The following FMN1 variants were observed in gnomAD, a reference collection of about 807,000 sequenced individuals.
FMN1 encodes the protein formin 1.
A neutral mutation model predicts 132.4 loss-of-function variants in FMN1; 110 were observed. The ratio of observed to expected loss-of-function variants is 0.83; its 90% CI spans 0.71 to 0.97. The LOEUF (loss-of-function observed/expected upper bound fraction) is 0.97, where lower values mean the gene tolerates loss of function less well. Among genes scored for constraint, FMN1 ranks in the 50% least tolerant of loss-of-function variants. The probability of loss-of-function intolerance (pLI) is 0.00; values close to 1 mark genes in which losing one functional copy is unlikely to be tolerated. For synonymous variants in FMN1, 722 were observed against 651.7 expected (o/e 1.11, Z -1.64); for missense variants, 1,792 against 1,705.3 (o/e 1.05, Z -0.90).
chr15:33,075,163 G>C (rs890867186), intron 5 of FMN1, among the ~76,000 whole-genome samples: 11 of 151,426 alleles, frequency 7.3e-5, no homozygotes, highest in Non-Finnish European at 1.5e-4. Context: ...AAACTGGTAA[G>C]AACAGTACCT....
intron 4 of FMN1, among the ~76,000 whole-genome samples, chr15:33,123,889 T>C (rs1962798981): frequency 6.6e-6 from 1 of 152,216 alleles, no homozygotes; most frequent in Non-Finnish European, 1.5e-5. Flanking sequence ...GCTCAAATGA[T>C]ATAAGGAATC....
chr15:33,164,011 A>G (rs1404547811), intron 3 of FMN1, among the ~76,000 whole-genome samples: 2 of 152,312 alleles, frequency 1.3e-5, no homozygotes, highest in Admixed American at 1.3e-4. Flanking sequence ...TGATACAGTG[A>G]AAAATGGTAT....
intron 7 of FMN1, among the ~76,000 whole-genome samples, chr15:32,971,493 G>A (rs569915679): frequency 8.0e-4 from 121 of 151,986 alleles, no homozygotes; most frequent in Non-Finnish European, 1.5e-3. Flanking sequence ...TTTCAACATC[G>A]TATCATTTCC....
At chr15:33,151,080 C>A in intron 4 of FMN1, 2 of 1,317,524 alleles carry the variant, frequency 1.5e-6, no homozygotes, top group Non-Finnish European at 1.9e-6. Context: ...GGACTCACAG[C>A]GACAGGAAAG....
At position 32,926,280 on chromosome 15, in the gene FMN1, A is replaced by AT; in HGVS notation, c.3139-20_3139-19insA. On this transcript the variant is annotated intron_variant, in intron 9 of 20. Coordinates refer to ENST00000616417, the MANE Select transcript of FMN1 (RefSeq NM_001277313.2). Reference sequence around the variant, plus strand: ...TGATGATCTAAAATTAGAAAAAAAAAAAAAAGAATACAAGCTCAAATGACC... The same window carrying AT: ...TGATGATCTAAAATTAGAAAAAAAAATAAAAAGAATACAAGCTCAAATGACC... The AT allele has an allele frequency of 7.2e-7, 1 of 1,392,566 alleles. No individual in the cohort carries two copies. Among genetic ancestry groups the AT allele is most frequent in the Non-Finnish European group, 9.8e-7 (1 of 1,018,254 alleles). The allele number at this position is 1,392,566 out of a possible 1,614,324, so 86.3% of individuals were successfully genotyped here.
At chr15:33,026,727 A>C (rs1312300719) in intron 6 of FMN1, among the ~76,000 whole-genome samples, 1 of 152,122 alleles carries the variant, frequency 6.6e-6, no homozygotes. Flanking sequence ...AGAGAGGTGA[A>C]GGTCAGTCTC....
chr15:32,899,417 G>A (rs1385645494), intron 14 of FMN1, among the ~76,000 whole-genome samples: 1 of 152,168 alleles, frequency 6.6e-6, no homozygotes, highest in Non-Finnish European at 1.5e-5. Flanking sequence ...ATTCTAATTT[G>A]CCTGTGTGTT....
chr15:33,171,455 A>C (rs1010487075), intron 3 of FMN1, among the ~76,000 whole-genome samples: 6 of 152,248 alleles, frequency 3.9e-5, no homozygotes, highest in Non-Finnish European at 5.9e-5. Flanking sequence ...TGTATGTAAC[A>C]AAATGTCACC....
chr15:32,833,157 A>G (rs1364699327), intron 17 of FMN1, among the ~76,000 whole-genome samples: 2 of 152,136 alleles, frequency 1.3e-5, no homozygotes, highest in Non-Finnish European at 1.5e-5. Flanking sequence ...TCTAATGGTC[A>G]TATTTTAGGA....
chr15:32,870,163 A>C (rs1436158034), intron 16 of FMN1, among the ~76,000 whole-genome samples: 1 of 152,146 alleles, frequency 6.6e-6, no homozygotes, highest in African/African-American at 2.4e-5. Context: ...CTTTCATGGT[A>C]GTAGGACTCC....
chr15:32,820,789 C>A (rs2141101000), intron 17 of FMN1, among the ~76,000 whole-genome samples: 1 of 152,254 alleles, frequency 6.6e-6, no homozygotes, highest in South Asian at 2.1e-4. Flanking sequence ...GATTTTGGTA[C>A]CAACCCTTGG....
chr15:33,012,619 A>C (rs2034793514), intron 6 of FMN1: 1 of 956,774 alleles, frequency 1.0e-6, no homozygotes, highest in African/African-American at 1.6e-5. Flanking sequence ...GAAATACCAC[A>C]CTGCAAATGA....
At chr15:32,779,289 C>G (rs2056587296) in intron 19 of FMN1, among the ~76,000 whole-genome samples, 1 of 152,172 alleles carries the variant, frequency 6.6e-6, no homozygotes, top group Non-Finnish European at 1.5e-5. Flanking sequence ...GAATTGTACA[C>G]TTTAAAAGGG....
intron 4 of FMN1, among the ~76,000 whole-genome samples, chr15:33,099,266 G>T (rs1160738661): frequency 6.6e-6 from 1 of 152,160 alleles, no homozygotes; most frequent in Non-Finnish European, 1.5e-5. Context: ...ACTTCAACCT[G>T]GGTGGCAGAC....
intron 5 of FMN1, among the ~76,000 whole-genome samples, chr15:33,081,923 CAA>C (rs567662287): frequency 5.9e-5 from 9 of 152,004 alleles, no homozygotes; most frequent in Non-Finnish European, 1.2e-4. Context: ...CTTCCCCAGA[CAA>C]TTAAGCTAAT....
chr15:33,153,763 C>A lies in FMN1; in HGVS notation c.1152G>T (p.Arg384Ser). The A allele has an allele frequency of 1.3e-6, 2 of 1,536,310 alleles. No individual in the cohort carries two copies. Among genetic ancestry groups the A allele is most frequent in the Non-Finnish European group, 1.7e-6 (2 of 1,146,948 alleles). ...CCCCTTGCCGCTCCTTGCCCTGCCG[C>A]CTGGAGCCATGAGCCCCAGCCTCAG... ...PGAEAGAHGS[R>S]RQGKERQGDR... The change falls in exon 4 of 21, where the codon AGG becomes AGT. Residue 384 changes from arginine to serine, a missense_variant. Arg to Ser is a moderately radical substitution (Grantham distance 110). Around this residue, in one of 3 missense-constraint regions of FMN1, gnomAD observed 638 missense variants for 645.2 expected, o/e 0.99. Transcript: ENST00000616417.
At chr15:33,107,440 C>T (rs1349363642) in intron 4 of FMN1, among the ~76,000 whole-genome samples, 2 of 152,092 alleles carry the variant, frequency 1.3e-5, no homozygotes, top group Admixed American at 6.6e-5. Flanking sequence ...AAATCCCTGG[C>T]CTTAAAGAAC....
intron 7 of FMN1, among the ~76,000 whole-genome samples, chr15:32,995,354 A>AT (rs1199270393): frequency 1.3e-5 from 2 of 152,316 alleles, no homozygotes; most frequent in Non-Finnish European, 2.9e-5. Context: ...AAAGTTGATA[A>AT]TTTTAAAATG....
intron 17 of FMN1, among the ~76,000 whole-genome samples, chr15:32,854,263 A>G (rs2059074532): frequency 1.3e-5 from 2 of 152,234 alleles, no homozygotes; most frequent in Non-Finnish European, 2.9e-5. Flanking sequence ...TGGATTAGCC[A>G]CATTTCAGCT....
Sources: gnomAD v4.1 joint callset for allele counts (sites outside exome capture counted in the v4.1 genomes callset) on GRCh38, gnomAD v4.1.1 for gene constraint, gnomAD v4.1.1 regional missense constraint, MANE v1.5 for transcripts, NCBI Gene and HGNC (gene_info 2026-07-23, HGNC 2026-07-21) for gene names.